The following NLGN1 variants were observed in gnomAD, a reference collection of about 807,000 sequenced individuals.
NLGN1 encodes the protein neuroligin-1.
In NLGN1, 12 loss-of-function variants were observed where a neutral mutation model predicts 65.5. The ratio of observed to expected loss-of-function variants is 0.18; its 90% CI spans 0.12 to 0.30. NLGN1 has a LOEUF of 0.30. Among genes scored for constraint, NLGN1 ranks in the 10% least tolerant of loss-of-function variants. The probability of loss-of-function intolerance (pLI) is 1.00; values close to 1 mark genes in which losing one functional copy is unlikely to be tolerated. For synonymous variants in NLGN1, 350 were observed against 359.5 expected (o/e 0.97, Z 0.30); for missense variants, 750 against 1,007.1 (o/e 0.74, Z 3.46).
chr3:173,933,260 G>A (rs928597277), intron 4 of NLGN1, among the ~76,000 whole-genome samples: 2 of 152,094 alleles, frequency 1.3e-5, no homozygotes, highest in African/African-American at 4.8e-5. Context: ...GAGAGAGGAG[G>A]TAGAAAAGTA....
chr3:173,530,287 C>A (rs1285816452), intron 2 of NLGN1, among the ~76,000 whole-genome samples: 1 of 152,096 alleles, frequency 6.6e-6, no homozygotes, highest in Non-Finnish European at 1.5e-5. Flanking sequence ...CTAGTTGCAC[C>A]AGCCTTGTTT....
At chr3:174,177,280 T>G (rs1363829247) in intron 4 of NLGN1, among the ~76,000 whole-genome samples, 5 of 152,072 alleles carry the variant, frequency 3.3e-5, no homozygotes, top group African/African-American at 1.2e-4. Flanking sequence ...CTTTTTCTCT[T>G]CTTTCTACAT....
At chr3:173,718,837 C>G (rs570757280) in intron 3 of NLGN1, among the ~76,000 whole-genome samples, 17 of 152,086 alleles carry the variant, frequency 1.1e-4, no homozygotes, top group African/African-American at 3.9e-4. Context: ...TATAAACATA[C>G]CAGAAACTTT....
intron 4 of NLGN1, among the ~76,000 whole-genome samples, chr3:173,904,512 T>A (rs1428888379): frequency 1.3e-5 from 2 of 152,106 alleles, no homozygotes; most frequent in East Asian, 3.9e-4. Flanking sequence ...ATAAAGGGTT[T>A]TTTTTTTTTC....
downstream of NLGN1, among the ~76,000 whole-genome samples, chr3:174,289,957 A>ATATATATATGTATGTATATATATG (rs1340096614): frequency 1.2e-4 from 5 of 41,550 alleles, no homozygotes; most frequent in East Asian, 7.6e-4. Context: ...ATATATGTGT[A>ATATATATATGTATGTATATATATG]TATATATATA....
At chr3:173,852,123 G>A (rs1427198768) in intron 4 of NLGN1, among the ~76,000 whole-genome samples, 1 of 151,588 alleles carries the variant, frequency 6.6e-6, no homozygotes, top group Admixed American at 6.6e-5. Context: ...TTGGGAGGCC[G>A]AGGCGGGCGG....
intron 4 of NLGN1, among the ~76,000 whole-genome samples, chr3:173,815,773 A>G (rs554302425): frequency 6.6e-6 from 1 of 152,222 alleles, no homozygotes; most frequent in East Asian, 1.9e-4. Context: ...CCATGTCTTC[A>G]AGACTAACCC....
At chr3:174,143,633 G>T (rs1033719676) in intron 4 of NLGN1, among the ~76,000 whole-genome samples, 2 of 151,922 alleles carry the variant, frequency 1.3e-5, no homozygotes, top group Non-Finnish European at 2.9e-5. Context: ...GAGATTTGGT[G>T]GGGGGGTATA....
chr3:174,193,600 A>G (rs1205447460), intron 4 of NLGN1, among the ~76,000 whole-genome samples: 2 of 152,162 alleles, frequency 1.3e-5, no homozygotes, highest in Non-Finnish European at 1.5e-5. Context: ...TTCATGAAAG[A>G]TGGAGGAGTT....
intron 4 of NLGN1, among the ~76,000 whole-genome samples, chr3:174,165,755 T>C (rs909992701): frequency 2.0e-5 from 3 of 152,076 alleles, no homozygotes; most frequent in Non-Finnish European, 4.4e-5. Flanking sequence ...GTTTCTGAAA[T>C]AGTTTCAGTA....
intron 4 of NLGN1, among the ~76,000 whole-genome samples, chr3:174,027,564 G>A (rs568126677): frequency 6.6e-6 from 1 of 152,122 alleles, no homozygotes; most frequent in South Asian, 2.1e-4. Flanking sequence ...TAAGGGGACA[G>A]GGAAGCACTA....
intron 4 of NLGN1, among the ~76,000 whole-genome samples, chr3:174,270,818 G>A (rs1377285682): frequency 6.6e-6 from 1 of 151,792 alleles, no homozygotes; most frequent in Non-Finnish European, 1.5e-5. Flanking sequence ...ATAGGATTTC[G>A]AGTTGGATTT....
In NLGN1 at chr3:173,527,546, C is replaced by T. The variant is rs538067519; in HGVS notation, c.-320-76733C>T. The stretch of plus-strand genomic sequence containing the variant: ...CCAAGTAGCTGGGACTACAGGCGCC[C>T]GCCACCACGCCCGGCTAATTTTTTG... On this transcript the variant is annotated intron_variant, in intron 2 of 6. Coordinates refer to ENST00000457714, the Ensembl canonical transcript of NLGN1. Among the ~76,000 whole-genome samples, 1,257 of 152,110 alleles carry T rather than the reference C, an allele frequency of 8.3e-3. 16 individuals are homozygous for T. Among genetic ancestry groups the T allele is most frequent in the Non-Finnish European group, 0.012 (812 of 67,962 alleles).
chr3:174,082,499 C>A (rs1373250231), intron 4 of NLGN1, among the ~76,000 whole-genome samples: 1 of 150,918 alleles, frequency 6.6e-6, no homozygotes. Context: ...TGTTATTCAG[C>A]CATTAAAAAT....
chr3:174,196,535 C>CCAT (rs1373920310), intron 4 of NLGN1, among the ~76,000 whole-genome samples: 1 of 152,118 alleles, frequency 6.6e-6, no homozygotes, highest in Non-Finnish European at 1.5e-5. Context: ...ATCTTTATAA[C>CCAT]CATCTACCAT....
intron 2 of NLGN1, among the ~76,000 whole-genome samples, chr3:173,539,741 T>TGTACATATGCACATATATACATATAG (rs1189543885): frequency 0.018 from 2,319 of 129,746 alleles, 46 homozygotes; most frequent in South Asian, 0.024. Context: ...TATACATATA[T>TGTACATATGCACATATATACATATAG]GTACATATAT....
chr3:173,423,576 A>G (rs1467910556), intron 1 of NLGN1, among the ~76,000 whole-genome samples: 3 of 152,156 alleles, frequency 2.0e-5, no homozygotes, highest in Non-Finnish European at 2.9e-5. Flanking sequence ...TGAAAGTCCA[A>G]AATCCAGCAG....
At chr3:173,465,043 T>C (rs1222177248) in intron 2 of NLGN1, among the ~76,000 whole-genome samples, 3 of 152,338 alleles carry the variant, frequency 2.0e-5, no homozygotes, top group East Asian at 3.9e-4. Context: ...GATGCTTAAT[T>C]TGATCTGGAA....
At chr3:173,519,679 A>G (rs1424288566) in intron 2 of NLGN1, among the ~76,000 whole-genome samples, 2 of 150,456 alleles carry the variant, frequency 1.3e-5, no homozygotes, top group Non-Finnish European at 3.0e-5. Flanking sequence ...CTGAATGCCT[A>G]TATCCCCATT....
Sources: allele counts gnomAD v4.1 joint callset (sites outside exome capture counted in the v4.1 genomes callset), GRCh38; gene constraint gnomAD v4.1.1; transcripts MANE v1.5; gene names NCBI Gene and HGNC (gene_info 2026-07-23, HGNC 2026-07-21).